CSMD1: variants seen among roughly 807,000 people sequenced by gnomAD.
CSMD1 encodes the protein CUB and Sushi multiple domains 1.
A neutral mutation model predicts 417.5 loss-of-function variants in CSMD1; 213 were observed. The observed-to-expected ratio is 0.51, with a 90% CI of 0.46 to 0.57. CSMD1 has a LOEUF of 0.57. Among genes scored for constraint, CSMD1 ranks in the 20% least tolerant of loss-of-function variants. The probability of loss-of-function intolerance (pLI) is 0.00; values close to 1 mark genes in which losing one functional copy is unlikely to be tolerated. For synonymous variants in CSMD1, 2,862 were observed against 1,736.8 expected, an observed-to-expected ratio of 1.65 and a Z score of -16.11; for missense variants, 6,923 against 4,529.7, an observed-to-expected ratio of 1.53 and a Z score of -15.17.
At chr8:2,955,897 C>CATATTG in intron 63 of CSMD1, 129 bp from the exon 64 acceptor site, 3 of 604,612 alleles carry the variant, frequency 5.0e-6, no homozygotes, top group Non-Finnish European at 8.1e-6. Context: ...CATATATATA[C>CATATTG]ACATATATAT....
intron 5 of CSMD1, among the ~76,000 whole-genome samples, chr8:3,821,908 C>G (rs979455034): frequency 6.6e-6 from 1 of 152,192 alleles, no homozygotes; most frequent in Non-Finnish European, 1.5e-5. Flanking sequence ...CTTCCAGAAG[C>G]TGGATGCGAT....
chr8:3,607,323 CT>C (rs1801667398), intron 8 of CSMD1, among the ~76,000 whole-genome samples: 1 of 152,178 alleles, frequency 6.6e-6, no homozygotes, highest in African/African-American at 2.4e-5. Flanking sequence ...ACAATTCCTT[CT>C]TCTGGATACC....
chr8:3,023,529 G>C (rs980864077), intron 51 of CSMD1, among the ~76,000 whole-genome samples: 2 of 152,068 alleles, frequency 1.3e-5, no homozygotes, highest in African/African-American at 4.8e-5. Flanking sequence ...TGAAGGACAG[G>C]ACTGCAGAGC....
rs1160248951 is a variant in CSMD1 at position 3,151,502 on chromosome 8, C to G, written c.5926G>C (p.Gly1976Arg). 1 of 1,611,302 alleles carries G rather than the reference C, an allele frequency of 6.2e-7. No individual in the cohort carries two copies. Among genetic ancestry groups the G allele is most frequent in the African/African-American group, 1.3e-5 (1 of 75,024 alleles). ...PSPLCIATCG[G>R]TLSTLGGVIL... ...ACACCACCCAAGGTGCTCAGCGTCC[C>G]TCCACAGGTTGCTGTTAAGTGGACA... The change falls in exon 40 of 70, where the codon GGG (glycine) becomes CGG (arginine). Residue 1976 changes from glycine to arginine, a missense_variant. Physicochemically the swap from Gly to Arg is moderately radical, Grantham distance 125. Transcript: ENST00000635120.
intron 46 of CSMD1, among the ~76,000 whole-genome samples, chr8:3,099,836 C>A (rs751606178): frequency 2.2e-4 from 34 of 152,262 alleles, no homozygotes; most frequent in Middle Eastern, 3.4e-3. Flanking sequence ...ATAATTCCCA[C>A]TAGTTTACAG....
At chr8:4,253,874 C>G (rs943344593) in intron 3 of CSMD1, among the ~76,000 whole-genome samples, 1 of 144,780 alleles carries the variant, frequency 6.9e-6, no homozygotes, top group African/African-American at 2.5e-5. Context: ...GTCTTATCTA[C>G]AAAGAGACAC....
At chr8:3,935,535 T>A (rs1810431408) in intron 5 of CSMD1, among the ~76,000 whole-genome samples, 1 of 152,220 alleles carries the variant, frequency 6.6e-6, no homozygotes, top group Admixed American at 6.5e-5. Context: ...GTAACTTTCA[T>A]AATAACCCAG....
chr8:3,542,053 A>G (rs533476799), intron 10 of CSMD1, among the ~76,000 whole-genome samples: 2 of 152,232 alleles, frequency 1.3e-5, no homozygotes, highest in African/African-American at 4.8e-5. Context: ...ATCTACTTCC[A>G]CCTATGTGCA....
intron 5 of CSMD1, among the ~76,000 whole-genome samples, chr8:3,962,306 T>A (rs972267339): frequency 1.5e-5 from 2 of 129,334 alleles, no homozygotes; most frequent in Admixed American, 1.7e-4. Flanking sequence ...AACTTGGGAT[T>A]TGGTTCCAGC....
At chr8:3,055,223 T>C (rs1281519578) in intron 49 of CSMD1, among the ~76,000 whole-genome samples, 2 of 152,208 alleles carry the variant, frequency 1.3e-5, no homozygotes, top group African/African-American at 4.8e-5. Context: ...AGAAGATCTT[T>C]ATAGCCCCTT....
chr8:4,758,165 G>C (rs1176305955), intron 1 of CSMD1, among the ~76,000 whole-genome samples: 1 of 152,070 alleles, frequency 6.6e-6, no homozygotes. Flanking sequence ...CTGCTTGGAG[G>C]TGTTTGCATT....
At chr8:4,643,037 A>C (rs907545727) in intron 1 of CSMD1, among the ~76,000 whole-genome samples, 6 of 152,146 alleles carry the variant, frequency 3.9e-5, no homozygotes, top group African/African-American at 1.4e-4. Flanking sequence ...ATTGTCTCCA[A>C]CTCTGGGGCC....
At chr8:3,537,110 TC>T (rs1342018875) in intron 10 of CSMD1, among the ~76,000 whole-genome samples, 3 of 152,092 alleles carry the variant, frequency 2.0e-5, no homozygotes, top group African/African-American at 7.2e-5. Context: ...TTCCAGCAAT[TC>T]CCCTGCCTCA....
chr8:3,317,941 G>A (rs554838221), intron 23 of CSMD1, among the ~76,000 whole-genome samples: 53 of 152,254 alleles, frequency 3.5e-4, no homozygotes, highest in African/African-American at 1.2e-3. Context: ...CTATTGAGTA[G>A]CTGGGACCAC....
chr8:3,415,918 T>A (rs968337857), intron 12 of CSMD1, among the ~76,000 whole-genome samples: 1 of 152,206 alleles, frequency 6.6e-6, no homozygotes, highest in Non-Finnish European at 1.5e-5. Flanking sequence ...AAAGAAGATT[T>A]TGAGTTGCAT....
chr8:3,492,797 A>G (rs988342994), intron 11 of CSMD1, among the ~76,000 whole-genome samples: 1 of 152,134 alleles, frequency 6.6e-6, no homozygotes, highest in Non-Finnish European at 1.5e-5. Context: ...CTGGAATCAG[A>G]GTTCTTCAAA....
At chr8:4,501,255 T>G (rs1262962023) in intron 2 of CSMD1, among the ~76,000 whole-genome samples, 1 of 152,114 alleles carries the variant, frequency 6.6e-6, no homozygotes, top group Non-Finnish European at 1.5e-5. Context: ...TACTGCTAGA[T>G]AGTTTATTCA....
chr8:3,391,788 T>C (rs984487095), intron 17 of CSMD1, among the ~76,000 whole-genome samples: 1 of 152,118 alleles, frequency 6.6e-6, no homozygotes, highest in Non-Finnish European at 1.5e-5. Flanking sequence ...GCAACACATT[T>C]TGTCTGTAGA....
intron 7 of CSMD1, among the ~76,000 whole-genome samples, chr8:3,640,850 A>C (rs1585004421): frequency 6.6e-6 from 1 of 151,226 alleles, no homozygotes; most frequent in Non-Finnish European, 1.5e-5. Flanking sequence ...ATCTTACCTC[A>C]CTACTTTTTT....
Sources: allele counts gnomAD v4.1 joint callset (sites outside exome capture counted in the v4.1 genomes callset), GRCh38; gene constraint gnomAD v4.1.1; transcripts MANE v1.5; gene names NCBI Gene and HGNC (gene_info 2026-07-23, HGNC 2026-07-21).